MROH2A: variants seen among roughly 807,000 people sequenced by gnomAD.
MROH2A encodes the protein maestro heat like repeat family member 2A.
Under a neutral mutation model 200.4 loss-of-function variants are expected in MROH2A, and 174 were observed. The ratio of observed to expected loss-of-function variants is 0.87; its 90% confidence interval spans 0.77 to 0.98. MROH2A has a LOEUF of 0.98. Among genes scored for constraint, MROH2A ranks in the 50% least tolerant of loss-of-function variants. The pLI is 0.00. For missense variants in MROH2A, 2,045 were observed against 2,139.6 expected, an observed-to-expected ratio of 0.96 and a Z score of 0.87; for synonymous variants, 829 against 840.4, an observed-to-expected ratio of 0.99 and a Z score of 0.23.
chr2:233,789,366 A>C, intron 3 of MROH2A, 131 bp from the exon 4 acceptor site: 3 of 920,674 alleles, frequency 3.3e-6, no homozygotes, highest in Non-Finnish European at 2.9e-6. Flanking sequence ...AAATGGAGGA[A>C]TGGGGATCTA....
Position 233,832,289 on chromosome 2 carries a change from G to C in MROH2A, c.4837+10G>C. On this transcript the variant is annotated intron_variant, in intron 40 of 41. Transcript: ENST00000389758. The stretch of plus-strand genomic sequence containing the variant: ...GCTTGCAACTTGGCAGGTGAGCAGA[G>C]AGACGTCTCCTGACTCAAGATAGAC... The C allele has an allele frequency of 6.5e-7, 1 of 1,549,198 alleles. No individual in the cohort carries two copies. Among genetic ancestry groups the C allele is most frequent in the Non-Finnish European group, 8.7e-7 (1 of 1,146,040 alleles).
chr2:233,819,577 C>T, intron 30 of MROH2A, 108 bp downstream of exon 30: 1 of 1,184,530 alleles, frequency 8.4e-7, no homozygotes, highest in African/African-American at 1.5e-5. Flanking sequence ...AGAATGCCTC[C>T]CCCAACCCCT....
rs546236971 is a variant in MROH2A at position 233,814,367 on chromosome 2, A to G, written c.2761-215A>G. Among the ~76,000 whole-genome samples, 48 of 152,216 alleles carry G rather than the reference A, an allele frequency of 3.2e-4. 1 individual carries two copies. Among genetic ancestry groups the G allele is most frequent in the Non-Finnish European group, 5.9e-4 (40 of 68,028 alleles). On this transcript the variant is annotated intron_variant, in intron 25 of 41. Coordinates refer to ENST00000389758, the MANE Select transcript of MROH2A (RefSeq NM_001394639.1). Reference sequence around the variant, plus strand: ...GCTTGGCCCTGGATGAAGAATCAGAACTGGGCTCCAGGAGTTCAGTATCCT... The same window carrying G: ...GCTTGGCCCTGGATGAAGAATCAGAGCTGGGCTCCAGGAGTTCAGTATCCT...
chr2:233,821,154 G>A (rs1703910662), intron 31 of MROH2A, among the ~76,000 whole-genome samples: 1 of 152,222 alleles, frequency 6.6e-6, no homozygotes, highest in African/African-American at 2.4e-5. Flanking sequence ...CAGGAGTCAA[G>A]GCATGGGTTA....
Position 233,813,680 on chromosome 2 carries a change from C to G in MROH2A, c.2662C>G (p.Pro888Ala), listed in dbSNP as rs1198181698. The change falls in exon 25 of 42, where the codon CCT (proline) becomes GCT (alanine). Residue 888 changes from proline (P) to alanine (A), a missense_variant. Pro to Ala is a conservative substitution (Grantham distance 27, BLOSUM62 -1). Coordinates refer to ENST00000389758, the MANE Select transcript of MROH2A (RefSeq NM_001394639.1). ...EALSHLSKLK[P>A]FYSTEENSEL... ...CTGCTTCTTCTCCAGCAAGCTGAAG[C>G]CTTTCTACTCCACAGAGGAAAACAG... 4 of 1,547,454 alleles carry G rather than the reference C, an allele frequency of 2.6e-6. No individual in the cohort carries two copies. The highest frequency in any genetic ancestry group is 3.5e-6 in the Non-Finnish European group (4 of 1,144,546).
chr2:233,793,853 G>A, intron 7 of MROH2A, 29 bp downstream of exon 7: 1 of 1,372,616 alleles, frequency 7.3e-7, no homozygotes, highest in African/African-American at 1.5e-5. Flanking sequence ...AGGAGGGCCT[G>A]GTGGTCCCCA....
chr2:233,813,593 G>A (rs905443752), intron 24 of MROH2A, 77 bp from the exon 25 acceptor site: 6 of 847,488 alleles, frequency 7.1e-6, no homozygotes, highest in African/African-American at 1.7e-5. Flanking sequence ...GTGTTTCCGT[G>A]CCCAGATTGG....
Position 233,807,938 on chromosome 2 carries a change from C to T in MROH2A, c.2295+83C>T. ...CACTGACACAAAGTCCTTTCTAGAT[C>T]TCAGTAGGAAACTTGCCTCACACGG... On this transcript the variant is annotated intron_variant, in intron 21 of 41. Coordinates refer to ENST00000389758, the MANE Select transcript of MROH2A (RefSeq NM_001394639.1). The surrounding 1 kb of genome is among the most constrained non-coding windows in gnomAD (Gnocchi z 4.3). 1 of 1,522,154 alleles carries T rather than the reference C, an allele frequency of 6.6e-7. No individual in the cohort carries two copies. Among genetic ancestry groups the T allele is most frequent in the South Asian group, 1.2e-5 (1 of 82,560 alleles). The allele number at this position is 1,522,154 out of a possible 1,614,324, so 94.3% of individuals were successfully genotyped here.
chr2:233,779,783 C>T lies in MROH2A; in HGVS notation c.207C>T (p.Ile69=), dbSNP rs772589769. 54 of 1,550,688 alleles carry T rather than the reference C, an allele frequency of 3.5e-5. No homozygotes were observed. In the South Asian group the frequency reaches 5.1e-4, roughly 15 times the overall value. Residue 69 remains isoleucine, a synonymous_variant, in exon 3 of 42, where the codon ATC becomes ATT. Coordinates refer to ENST00000389758, the MANE Select transcript of MROH2A (RefSeq NM_001394639.1). ...GGAAGACCCTGGCCTCGGTGATAAT[C>T]ATGGAGAAGGCCACCACTGAGCCTT... is the stretch of plus-strand genomic sequence containing the variant. ...DMRKTLASVI[I]MEKATTEPSV... is the part of the protein sequence containing the mutation.
chr2:233,779,337 C>T lies in MROH2A; in HGVS notation c.-14-8C>T, dbSNP rs1700819832. 1 of 1,515,062 alleles carries T rather than the reference C, an allele frequency of 6.6e-7. No homozygotes were observed. Among genetic ancestry groups the T allele is most frequent in the South Asian group, 1.2e-5 (1 of 83,316 alleles). The allele number at this position is 1,515,062 out of a possible 1,614,324, so 93.9% of individuals were successfully genotyped here. ...CCCGTATTTTACAAATTCTGTTGAT[C>T]TCAAAAGAGCTTGAGGAAGAGATGA... On this transcript the variant is annotated splice_region_variant and splice_polypyrimidine_tract_variant and intron_variant, in intron 1 of 41. Transcript: ENST00000389758.
intron 14 of MROH2A, among the ~76,000 whole-genome samples, chr2:233,800,661 G>T (rs1410417685): frequency 6.8e-6 from 1 of 148,068 alleles, no homozygotes; most frequent in Non-Finnish European, 1.5e-5. Flanking sequence ...GTGTGTGTCT[G>T]TGTGTAGACC....
Position 233,831,398 on chromosome 2 carries a change from T to G in MROH2A, c.4603-11T>G. 6.5e-7 allele frequency: 1 copy of G among 1,544,954 alleles called. No individual in the cohort carries two copies. Among genetic ancestry groups the G allele is most frequent in the Non-Finnish European group, 8.7e-7 (1 of 1,144,460 alleles). On this transcript the variant is annotated splice_polypyrimidine_tract_variant and intron_variant, in intron 38 of 41. Coordinates refer to ENST00000389758, the MANE Select transcript of MROH2A (RefSeq NM_001394639.1). ...GGCTGATGGCTCTGCTGCCGTCCTG[T>G]GTCCCTGCAGGCCTGTATGGCTACC... is the stretch of plus-strand genomic sequence containing the variant.
At chr2:233,822,845 C>T in intron 33 of MROH2A, 36 bp from the exon 34 acceptor site, 1 of 1,547,174 alleles carries the variant, frequency 6.5e-7, no homozygotes, top group Non-Finnish European at 8.7e-7. Flanking sequence ...GCGCTCCCAG[C>T]AGGGCAGCGC....
At position 233,832,655 on chromosome 2, in the gene MROH2A, G is replaced by C. The variant is rs901923791; in HGVS notation, c.4903+11G>C. The C allele has an allele frequency of 1.1e-4, 163 of 1,538,272 alleles. No homozygotes were observed. In the African/African-American group the frequency reaches 2.0e-3, roughly 19 times the overall value. On this transcript the variant is annotated intron_variant, in intron 41 of 41. Coordinates refer to ENST00000389758, the MANE Select transcript of MROH2A (RefSeq NM_001394639.1). Reference sequence around the variant, plus strand: ...CAGCATTACGGAATTGTGAGTAGTGGAGAGTGTTAGATGTTGAGTCCACGA... The same window carrying C: ...CAGCATTACGGAATTGTGAGTAGTGCAGAGTGTTAGATGTTGAGTCCACGA...
At chr2:233,811,611 ACTTGGG>A (rs1374043690) in intron 23 of MROH2A, among the ~76,000 whole-genome samples, 1 of 152,238 alleles carries the variant, frequency 6.6e-6, no homozygotes, top group Non-Finnish European at 1.5e-5. Context: ...AGAGAAGGGG[ACTTGGG>A]CTCAGGCAGA....
chr2:233,829,148 C>T, intron 37 of MROH2A, 76 bp downstream of exon 37: 1 of 1,366,016 alleles, frequency 7.3e-7, no homozygotes, highest in Non-Finnish European at 9.8e-7. Flanking sequence ...AAGAGATGGG[C>T]TCTAGAGCAG....
Position 233,813,703 on chromosome 2 carries a change from C to CA in MROH2A, c.2686dup (p.Ser896LysfsTer2), listed in dbSNP as rs1703327236. The CA allele has an allele frequency of 3.2e-6, 5 of 1,550,080 alleles. No homozygotes were observed. Among genetic ancestry groups the CA allele is most frequent in the Non-Finnish European group, 4.4e-6 (5 of 1,146,588 alleles). On this transcript the variant is annotated frameshift_variant, in exon 25 of 42. Transcript: ENST00000389758. LOFTEE classifies it high-confidence loss of function. Reference sequence around the variant, plus strand: ...AGCCTTTCTACTCCACAGAGGAAAACAGTGAGCTGATGGATATCAGCATAC... The same window carrying CA: ...AGCCTTTCTACTCCACAGAGGAAAACAAGTGAGCTGATGGATATCAGCATAC...
intron 25 of MROH2A, 67 bp downstream of exon 25, chr2:233,813,845 G>A: frequency 1.2e-6 from 1 of 851,300 alleles, no homozygotes; most frequent in South Asian, 1.6e-5. Flanking sequence ...CATGGGCCAT[G>A]CTGAGAGTCC....
intron 3 of MROH2A, among the ~76,000 whole-genome samples, chr2:233,780,646 T>C (rs1389930029): frequency 6.6e-6 from 1 of 152,246 alleles, no homozygotes; most frequent in Non-Finnish European, 1.5e-5. Flanking sequence ...CAAAGTGATA[T>C]TTCAAAACAT....
Sources: allele counts gnomAD v4.1 joint callset (sites outside exome capture counted in the v4.1 genomes callset), GRCh38; gene constraint gnomAD v4.1.1; non-coding constraint Gnocchi (gnomAD v3.1); transcripts MANE v1.5; gene names NCBI Gene and HGNC (gene_info 2026-07-23, HGNC 2026-07-21).